SRGAP2: variants seen among roughly 807,000 people sequenced by gnomAD.
SRGAP2 encodes SLIT-ROBO Rho GTPase activating protein 2, also known as SLIT-ROBO Rho GTPase-activating protein 2.
In SRGAP2, 15 loss-of-function variants were observed where a neutral mutation model predicts 57.2. That is an observed-to-expected ratio of 0.26 (90% CI 0.18 to 0.40). The LOEUF (loss-of-function observed/expected upper bound fraction) is 0.40, where lower values mean the gene tolerates loss of function less well. Among genes scored for constraint, SRGAP2 ranks in the 10% least tolerant of loss-of-function variants. SRGAP2 has a pLI of 1.00. For missense variants in SRGAP2, 520 were observed against 669.6 expected (o/e 0.78, Z 2.47); for synonymous variants, 249 against 248.0 (o/e 1.00, Z -0.04).
chr1:206,458,472 G>T (rs1184500162), intron 21 of SRGAP2, 151 bp from the exon 22 acceptor site: 1 of 715,050 alleles, frequency 1.4e-6, no homozygotes, highest in East Asian at 2.7e-5. Flanking sequence ...CATGGAGAAT[G>T]CAAGAGAAGA....
chr1:206,299,860 C>G, intron 2 of SRGAP2, among the ~76,000 whole-genome samples: 1 of 151,528 alleles, frequency 6.6e-6, no homozygotes. Context: ...CCTTTTCCTT[C>G]TCCTTCTCCA....
chr1:206,458,122 C>T (rs1457503460), intron 21 of SRGAP2, among the ~76,000 whole-genome samples: 2 of 152,202 alleles, frequency 1.3e-5, no homozygotes, highest in African/African-American at 2.4e-5. Flanking sequence ...TCCATGCCTA[C>T]AGAATAAGCA....
intron 2 of SRGAP2, among the ~76,000 whole-genome samples, chr1:206,281,366 C>G (rs1482372829): frequency 1.5e-5 from 2 of 132,212 alleles, no homozygotes; most frequent in African/African-American, 6.9e-5. Context: ...TTCATCCAGT[C>G]AAGCTATTGT....
intron 7 of SRGAP2, among the ~76,000 whole-genome samples, chr1:206,394,037 C>CG (rs1558384530): frequency 1.1e-5 from 1 of 93,168 alleles, no homozygotes; most frequent in African/African-American, 5.4e-5. Context: ...ATACTTTCTT[C>CG]CTTTTTTTTT....
At chr1:206,207,562 C>T (rs1273752879) in intron 2 of SRGAP2, 2 of 151,100 alleles carry the variant, frequency 1.3e-5, no homozygotes, top group Non-Finnish European at 2.9e-5. Flanking sequence ...GCCTCCATGT[C>T]CTGTCCAGAT....
intron 5 of SRGAP2, among the ~76,000 whole-genome samples, chr1:206,390,842 T>C (rs1361783293): frequency 2.0e-5 from 3 of 151,658 alleles, no homozygotes; most frequent in Non-Finnish European, 4.4e-5. Flanking sequence ...GAAGTAGTGT[T>C]AGGTTCAGAA....
chr1:206,373,803 A>G (rs1654944672), intron 4 of SRGAP2, among the ~76,000 whole-genome samples: 2 of 133,764 alleles, frequency 1.5e-5, no homozygotes, highest in South Asian at 5.2e-4. Context: ...ACTTAATAAC[A>G]TAGGCTTAAA....
At chr1:206,445,297 T>C (rs1572173377) in intron 17 of SRGAP2, among the ~76,000 whole-genome samples, 2 of 152,030 alleles carry the variant, frequency 1.3e-5, no homozygotes, top group African/African-American at 4.8e-5. Context: ...TTGGCCAAGG[T>C]TGGAGGTGTG....
intron 3 of SRGAP2, among the ~76,000 whole-genome samples, chr1:206,323,309 G>A (rs1404051772): frequency 3.3e-5 from 5 of 152,194 alleles, no homozygotes; most frequent in African/African-American, 9.7e-5. Context: ...GACTAAAAAA[G>A]ATGGAGCAGA....
At chr1:206,386,734 G>C (rs1553348643) in intron 5 of SRGAP2, among the ~76,000 whole-genome samples, 1 of 146,344 alleles carries the variant, frequency 6.8e-6, no homozygotes, top group Non-Finnish European at 1.5e-5. Flanking sequence ...GGGAGGCAGA[G>C]CTTGCAGTGA....
At chr1:206,218,476 GGT>G (rs1313967266) in intron 2 of SRGAP2, among the ~76,000 whole-genome samples, 2 of 144,658 alleles carry the variant, frequency 1.4e-5, no homozygotes, top group East Asian at 4.2e-4. Context: ...GTAGGCCCCA[GGT>G]GGTAGGTAGT....
chr1:206,205,005 G>A (rs1263858991), intron 1 of SRGAP2: 4 of 151,612 alleles, frequency 2.6e-5, no homozygotes, highest in Non-Finnish European at 4.4e-5. Flanking sequence ...GTTGTGCCCT[G>A]GTGGCTTATC....
intron 13 of SRGAP2, among the ~76,000 whole-genome samples, chr1:206,429,530 G>A (rs1391817379): frequency 6.6e-6 from 1 of 152,208 alleles, no homozygotes; most frequent in African/African-American, 2.4e-5. Context: ...CCCCCAGCAG[G>A]AGCAGCTCAT....
intron 18 of SRGAP2, among the ~76,000 whole-genome samples, chr1:206,447,255 A>C (rs1404699874): frequency 6.6e-6 from 1 of 152,102 alleles, no homozygotes; most frequent in Non-Finnish European, 1.5e-5. Context: ...CCCAAATCGG[A>C]TTCTGTCTGA....
chr1:206,310,535 A>C (rs1672564517), intron 3 of SRGAP2, among the ~76,000 whole-genome samples: 1 of 152,212 alleles, frequency 6.6e-6, no homozygotes, highest in Non-Finnish European at 1.5e-5. Flanking sequence ...GTGAATACCT[A>C]AAGAGTCCAC....
chr1:206,212,219 A>G (rs541566499), intron 2 of SRGAP2, among the ~76,000 whole-genome samples: 1 of 147,836 alleles, frequency 6.8e-6, no homozygotes, highest in African/African-American at 2.5e-5. Flanking sequence ...TCACTCTGTC[A>G]CCCAGGCTGG....
At chr1:206,411,096 G>A (rs183372556) in intron 10 of SRGAP2, among the ~76,000 whole-genome samples, 88 of 152,292 alleles carry the variant, frequency 5.8e-4, no homozygotes, top group Admixed American at 3.4e-3. Flanking sequence ...TCCTGACCTC[G>A]TGATCCGCCC....
intron 12 of SRGAP2, among the ~76,000 whole-genome samples, chr1:206,420,600 G>T (rs1553364008): frequency 6.6e-6 from 1 of 152,170 alleles, no homozygotes; most frequent in South Asian, 2.1e-4. Flanking sequence ...GGGGCAGAGC[G>T]ATGACCAGCA....
intron 3 of SRGAP2, among the ~76,000 whole-genome samples, chr1:206,310,323 C>T (rs1553323677): frequency 6.6e-6 from 1 of 150,678 alleles, no homozygotes; most frequent in East Asian, 2.0e-4. Context: ...ATAATTTATT[C>T]CTAAAAGTGT....
Sources: gnomAD v4.1 joint callset for allele counts (sites outside exome capture counted in the v4.1 genomes callset) on GRCh38, gnomAD v4.1.1 for gene constraint, MANE v1.5 for transcripts, NCBI Gene and HGNC (gene_info 2026-07-23, HGNC 2026-07-21) for gene names.